Variants in KAT2A observed in about 807,000 individuals in gnomAD.
KAT2A encodes the protein lysine acetyltransferase 2A, also known as histone acetyltransferase KAT2A.
In KAT2A, 42 loss-of-function variants were observed where a neutral mutation model predicts 95.2. That is an observed-to-expected ratio of 0.44 (90% CI 0.34 to 0.57). The LOEUF is 0.57. Among genes scored for constraint, KAT2A ranks in the 20% least tolerant of loss-of-function variants. The pLI, the probability that KAT2A is intolerant of heterozygous loss-of-function variation, is 0.01. For missense variants in KAT2A, 784 were observed against 1,126.3 expected (o/e 0.70, Z 4.35); for synonymous variants, 449 against 448.2 (o/e 1.00, Z -0.02).
intron 2 of KAT2A, 105 bp downstream of exon 2, chr17:42,120,601 G>A: frequency 2.0e-6 from 3 of 1,473,680 alleles, no homozygotes; most frequent in Non-Finnish European, 2.8e-6. Context: ...TCCCTCCTTC[G>A]AGGCATCTTT....
Position 42,121,168 on chromosome 17 carries a change from G to T in KAT2A, c.137C>A (p.Pro46Gln). 7.0e-7 allele frequency: 1 copy of T among 1,419,192 alleles called. No individual in the cohort carries two copies. Among genetic ancestry groups the T allele is most frequent in the Non-Finnish European group, 9.3e-7 (1 of 1,069,670 alleles). The allele number at this position is 1,419,192 out of a possible 1,614,324, so 87.9% of individuals were successfully genotyped here. ...TGGGGCTGCAGCTGGGGCAGGGGCT[G>T]GTGCCGGGGTGGGAGTCGGAATCGG... ...SAPIPTPTPA[P>Q]APAPAAAPAG... The change falls in exon 1 of 18, where the codon CCA (proline) becomes CAA (glutamine). Residue 46 changes from proline (P) to glutamine (Q), a missense_variant. Around this residue, in one of 6 missense-constraint regions of KAT2A, gnomAD observed 142 missense variants for 123.2 expected, o/e 1.15. Coordinates refer to ENST00000225916, the MANE Select transcript of KAT2A (RefSeq NM_021078.3).
At chr17:42,116,198 C>G (rs1431141344) in intron 11 of KAT2A, among the ~76,000 whole-genome samples, 4 of 152,202 alleles carry the variant, frequency 2.6e-5, no homozygotes, top group Non-Finnish European at 1.5e-5. Flanking sequence ...CGGGTCCAAA[C>G]CCAACACAGG....
At chr17:42,120,157 G>T in intron 3 of KAT2A, 38 bp from the exon 4 acceptor site, 1 of 1,611,940 alleles carries the variant, frequency 6.2e-7, no homozygotes, top group African/African-American at 1.3e-5. Context: ...GGGGAGGGGG[G>T]CAGAGCTGCA....
At position 42,121,330 on chromosome 17, in the gene KAT2A, G is replaced by A. The variant is rs781966433; in HGVS notation, c.-26C>T. On this transcript the variant is annotated 5_prime_UTR_variant, in exon 1 of 18. Coordinates refer to ENST00000225916, the MANE Select transcript of KAT2A (RefSeq NM_021078.3). ...GGCCTCCCCCGCAGCGGAGAGCGGC[G>A]CCGCGCTCCCAGCCCTAGGGCCGCA... 2.0e-5 allele frequency: 27 copies of A among 1,364,792 alleles called. No individual in the cohort carries two copies. Among genetic ancestry groups the A allele is most frequent in the Middle Eastern group, 2.7e-4 (1 of 3,690 alleles). The allele number at this position is 1,364,792 out of a possible 1,614,324, so 84.5% of individuals were successfully genotyped here. A position where few individuals can be genotyped will look rare whatever the true frequency, so the allele number is the denominator to read the frequency against.
In KAT2A at chr17:42,117,959, C is replaced by A. The variant is rs2054282030; in HGVS notation, c.1239G>T (p.Gly413=). 8 of 1,608,386 alleles carry A rather than the reference C, an allele frequency of 5.0e-6. No homozygotes were observed. The highest frequency in any genetic ancestry group is 6.8e-6 in the Non-Finnish European group (8 of 1,176,292). ...CCAGACTCAGGGAGCTGTTGCTGCC[C>A]CCACCCATGCTGGGGCTGAAGATGG... ...STPIFSPSMG[G]GSNSSLSLDS... Residue 413 remains glycine (G), a synonymous_variant, in exon 8 of 18, where the codon GGG becomes GGT. Coordinates refer to ENST00000225916, the MANE Select transcript of KAT2A (RefSeq NM_021078.3). The surrounding 1 kb of genome is among the most constrained non-coding windows in gnomAD (Gnocchi z 8.9).
In KAT2A at chr17:42,120,687, A is replaced by G. The variant is rs2054323740; in HGVS notation, c.463+19T>C. On this transcript the variant is annotated intron_variant, in intron 2 of 17. Transcript: ENST00000225916. ...GACCCAGCACCTGCCCCCAGCTCCA[A>G]GGGCGCTGCCTGCCTTACCCAAGGG... is the stretch of plus-strand genomic sequence containing the variant. 5.0e-6 allele frequency: 8 copies of G among 1,613,660 alleles called. No homozygotes were observed. The highest frequency in any genetic ancestry group is 6.8e-6 in the Non-Finnish European group (8 of 1,180,008).
At position 42,115,804 on chromosome 17, in the gene KAT2A, C is replaced by A; in HGVS notation, c.1794G>T (p.Leu598=). Residue 598 remains leucine (L), a synonymous_variant, in exon 12 of 18, where the codon CTG becomes CTT. Transcript: ENST00000225916. ...TGTTGTGCTTGATGTGATACTCCTT[C>A]AGGTGGTTCATCAGGTGGGTCCCAT... ...KGYGTHLMNH[L]KEYHIKHNIL... is the part of the protein sequence containing the mutation. 1.2e-6 allele frequency: 2 copies of A among 1,613,476 alleles called. No individual in the cohort carries two copies. The highest frequency in any genetic ancestry group is 1.7e-6 in the Non-Finnish European group (2 of 1,179,440).
chr17:42,115,448 C>G (rs1472815390), intron 12 of KAT2A, among the ~76,000 whole-genome samples: 1 of 141,734 alleles, frequency 7.1e-6, no homozygotes, highest in Non-Finnish European at 1.5e-5. Context: ...TAGTGCCCCC[C>G]CCAGTTCCTC....
chr17:42,119,789 A>AG lies in KAT2A; in HGVS notation c.700-72dup. 7.6e-7 allele frequency: 1 copy of AG among 1,324,204 alleles called. No individual in the cohort carries two copies. Among genetic ancestry groups the AG allele is most frequent in the Non-Finnish European group, 1.0e-6 (1 of 961,942 alleles). The allele number at this position is 1,324,204 out of a possible 1,614,324, so 82.0% of individuals were successfully genotyped here. ...CAGCCCGCAGGGCCTTCTTAGACAA[A>AG]GGAAGATGCTCCCTGGCCAGGGACA... On this transcript the variant is annotated intron_variant, in intron 4 of 17. Transcript: ENST00000225916. The surrounding 1 kb of genome is among the most constrained non-coding windows in gnomAD (Gnocchi z 5.3).
Position 42,121,147 on chromosome 17 carries a change from G to T in KAT2A, c.158C>A (p.Ala53Asp). The T allele has an allele frequency of 6.8e-7, 1 of 1,477,916 alleles. No homozygotes were observed. Among genetic ancestry groups the T allele is most frequent in the Non-Finnish European group, 9.0e-7 (1 of 1,109,632 alleles). The allele number at this position is 1,477,916 out of a possible 1,614,324, so 91.6% of individuals were successfully genotyped here. The change falls in exon 1 of 18, where the codon GCC becomes GAC. Residue 53 changes from alanine (A) to aspartate (D), a missense_variant. Ala to Asp is a moderately radical substitution (Grantham distance 126, BLOSUM62 -2). This residue lies in a region of KAT2A where 142 missense variants were observed against 123.2 expected (regional missense o/e 1.15). Coordinates refer to ENST00000225916, the MANE Select transcript of KAT2A (RefSeq NM_021078.3). The stretch of plus-strand genomic sequence containing the variant: ...CCCAGTCCCTGTGCTGCCGGCTGGG[G>T]CTGCAGCTGGGGCAGGGGCTGGTGC... ...TPAPAPAPAA[A>D]PAGSTGTGGP... is the part of the protein sequence containing the mutation.
chr17:42,120,849 T>G lies in KAT2A; in HGVS notation c.340-20A>C. 1.2e-6 allele frequency: 2 copies of G among 1,602,704 alleles called. No individual in the cohort carries two copies. Among genetic ancestry groups the G allele is most frequent in the Non-Finnish European group, 1.7e-6 (2 of 1,174,178 alleles). ...ATTGGCCTGGAGGTGGAAGGATCAG[T>G]CAATGACCTATACCTCTGGGGCAAG... On this transcript the variant is annotated intron_variant, in intron 1 of 17. Coordinates refer to ENST00000225916, the MANE Select transcript of KAT2A (RefSeq NM_021078.3).
intron 11 of KAT2A, among the ~76,000 whole-genome samples, chr17:42,116,066 A>G (rs2144033261): frequency 6.6e-6 from 1 of 152,362 alleles, no homozygotes; most frequent in African/African-American, 2.4e-5. Context: ...CCTGTTTTAC[A>G]GACCGATTCT....
In KAT2A at chr17:42,120,717, T is replaced by C; in HGVS notation, c.452A>G (p.Glu151Gly). Residue 151 changes from glutamate to glycine, a missense_variant, in exon 2 of 18, where the codon GAG becomes GGG. Glu to Gly is a moderately conservative substitution (Grantham distance 98). Around this residue, in one of 6 missense-constraint regions of KAT2A, gnomAD observed 208 missense variants for 339.7 expected, o/e 0.61. Transcript: ENST00000225916. ...ANLSELCRSC[E>G]HPLADHVSHL... is the part of the protein sequence containing the mutation. Reference sequence around the variant, plus strand: ...GCTGCCTGCCTTACCCAAGGGGTGCTCACAACTGCGGCACAGCTCACTCAG... The same window carrying C: ...GCTGCCTGCCTTACCCAAGGGGTGCCCACAACTGCGGCACAGCTCACTCAG... 6.2e-7 allele frequency: 1 copy of C among 1,614,054 alleles called. No individual in the cohort carries two copies. The highest frequency in any genetic ancestry group is 8.5e-7 in the Non-Finnish European group (1 of 1,180,026).
At chr17:42,113,953 T>C (rs1555665314) in intron 17 of KAT2A, 47 bp downstream of exon 17, 1 of 1,485,992 alleles carries the variant, frequency 6.7e-7, no homozygotes, top group African/African-American at 1.4e-5. Context: ...CAGGAGCAGG[T>C]GTGGGGACAG....
rs782129192 is a variant in KAT2A at position 42,121,124 on chromosome 17, C to T, written c.181G>A (p.Gly61Arg). ...AAAPAGSTGT[G>R]GPGVGSGGAG... ...CCCCCACTTCCTACCCCGGGCCCCC[C>T]AGTCCCTGTGCTGCCGGCTGGGGCT... The change falls in exon 1 of 18, where the codon GGG becomes AGG. Residue 61 changes from glycine (G) to arginine (R), a missense_variant. By Grantham distance (125) the Gly-to-Arg change is moderately radical. This residue lies in a region of KAT2A where 142 missense variants were observed against 123.2 expected (regional missense o/e 1.15). Transcript: ENST00000225916. The T allele has an allele frequency of 2.0e-6, 3 of 1,512,196 alleles. No homozygotes were observed. Among genetic ancestry groups the T allele is most frequent in the South Asian group, 2.5e-5 (2 of 81,508 alleles). 93.7% of individuals were successfully genotyped at this position (1,512,196 alleles called of 1,614,324 possible).
chr17:42,121,212 T>C lies in KAT2A; in HGVS notation c.93A>G (p.Ala31=). ...GAATCGGGGCTGAAGCCGGGCTGGG[T>C]GCAGGAGTCGGAGTTGGGGCAGGGG... ...SPAPAPTPTP[A]PSPASAPIPT... Residue 31 remains alanine, a synonymous_variant, in exon 1 of 18, where the codon GCA becomes GCG. Transcript: ENST00000225916. 7.5e-7 allele frequency: 1 copy of C among 1,341,574 alleles called. No individual in the cohort carries two copies. The highest frequency in any genetic ancestry group is 1.5e-5 in the South Asian group (1 of 67,444). The allele number at this position is 1,341,574 out of a possible 1,614,324, so 83.1% of individuals were successfully genotyped here. A position where few individuals can be genotyped will look rare whatever the true frequency, so the allele number is the denominator to read the frequency against.
At chr17:42,118,204 AG>A (rs2054290071) in intron 7 of KAT2A, 92 bp downstream of exon 7, 3 of 1,040,656 alleles carry the variant, frequency 2.9e-6, no homozygotes, top group Non-Finnish European at 4.4e-6. Context: ...AGTGGGATCC[AG>A]GGCCTCCGGC....
At position 42,113,627 on chromosome 17, in the gene KAT2A, G is replaced by C. The variant is rs781921723; in HGVS notation, c.*22C>G. 6.3e-7 allele frequency: 1 copy of C among 1,598,670 alleles called. No homozygotes were observed. Among genetic ancestry groups the C allele is most frequent in the Non-Finnish European group, 8.5e-7 (1 of 1,175,278 alleles). Reference sequence around the variant, plus strand: ...TCCGAGGTGGAGACATTCCAGGTCAGGGCTGCGGCCCAAAGATGGGCCTAC... The same window carrying C: ...TCCGAGGTGGAGACATTCCAGGTCACGGCTGCGGCCCAAAGATGGGCCTAC... On this transcript the variant is annotated 3_prime_UTR_variant, in exon 18 of 18. Coordinates refer to ENST00000225916, the MANE Select transcript of KAT2A (RefSeq NM_021078.3).
Position 42,115,747 on chromosome 17 carries a change from G to A in KAT2A, c.1851C>T (p.Tyr617=), listed in dbSNP as rs782757718. Residue 617 remains tyrosine (Y), a synonymous_variant, in exon 12 of 18, where the codon TAC becomes TAT. Coordinates refer to ENST00000225916, the MANE Select transcript of KAT2A (RefSeq NM_021078.3). ...ILYFLTYADE[Y]AIGYFKKQGF... ...CCTGCTTTTTGAAGTAGCCGATGGCGTACTCGTCGGCGTAGGTGAGGAAGT... is the reference window on the plus strand; with the variant it reads ...CCTGCTTTTTGAAGTAGCCGATGGCATACTCGTCGGCGTAGGTGAGGAAGT... The A allele has an allele frequency of 3.0e-5, 49 of 1,611,112 alleles. No homozygotes were observed. The highest frequency in any genetic ancestry group is 2.8e-4 in the Admixed American group (17 of 60,000).
Sources: allele counts gnomAD v4.1 joint callset (sites outside exome capture counted in the v4.1 genomes callset), GRCh38; gene constraint gnomAD v4.1.1; regional missense constraint gnomAD v4.1.1; non-coding constraint Gnocchi (gnomAD v3.1); transcripts MANE v1.5; gene names NCBI Gene and HGNC (gene_info 2026-07-23, HGNC 2026-07-21).